The following FAM193A variants were observed in gnomAD, a reference collection of about 807,000 sequenced individuals.
FAM193A encodes protein FAM193A.
A neutral mutation model predicts 126.5 loss-of-function variants in FAM193A; 22 were observed. The ratio of observed to expected loss-of-function variants is 0.17; its 90% CI spans 0.12 to 0.25. The LOEUF (loss-of-function observed/expected upper bound fraction) is 0.25. FAM193A is among the 10% of genes least tolerant of loss of function. FAM193A has a pLI of 1.00. For missense variants in FAM193A, 1,675 were observed against 1,672.8 expected (o/e 1.00, Z -0.02); for synonymous variants, 761 against 646.8 (o/e 1.18, Z -2.68).
intron 1 of FAM193A, among the ~76,000 whole-genome samples, chr4:2,564,050 C>T (rs927724867): frequency 8.6e-5 from 13 of 151,984 alleles, no homozygotes; most frequent in South Asian, 2.1e-4. Context: ...GCATTTAATA[C>T]GGAGAATTAG....
chr4:2,590,492 A>ACAAAC lies in FAM193A; in HGVS notation c.256-5592_256-5591insCAAAC, dbSNP rs1386756183. 4.2e-5 allele frequency among the ~76,000 whole-genome samples: 4 copies of ACAAAC among 94,462 alleles called. 1 individual carries two copies. The highest frequency in any genetic ancestry group is 3.4e-4 in the East Asian group (1 of 2,922). The allele number at this position is 94,462 out of a possible 152,430, so 62.0% of individuals were successfully genotyped here. Reference sequence around the variant, plus strand: ...AAAAAAAAACAAAAAAAAACAAAAAAAAACAAAAAAAAACAAAAAAAAAAC... The same window carrying ACAAAC: ...AAAAAAAAACAAAAAAAAACAAAAAACAAACAAACAAAAAAAAACAAAAAAAAAAC... On this transcript the variant is annotated intron_variant, in intron 1 of 20. Coordinates refer to ENST00000637812, the MANE Select transcript of FAM193A (RefSeq NM_001366318.2).
chr4:2,657,662 A>G, intron 7 of FAM193A, 141 bp from the exon 8 acceptor site: 1 of 593,260 alleles, frequency 1.7e-6, no homozygotes, highest in Non-Finnish European at 3.0e-6. Context: ...TATTTGTAGT[A>G]TTGTATCTTT....
At chr4:2,630,147 AT>A (rs1340611444) in intron 4 of FAM193A, among the ~76,000 whole-genome samples, 1 of 150,898 alleles carries the variant, frequency 6.6e-6, no homozygotes, top group Non-Finnish European at 1.5e-5. Flanking sequence ...AAAAAAAAAA[AT>A]GTGGATTATC....
chr4:2,603,021 TG>T (rs1741299154), intron 2 of FAM193A, among the ~76,000 whole-genome samples: 1 of 119,470 alleles, frequency 8.4e-6, no homozygotes, highest in Admixed American at 1.1e-4. Flanking sequence ...CAGGCTGGAG[TG>T]CAGTGGCGCC....
At chr4:2,584,968 C>T (rs1740154302) in intron 1 of FAM193A, among the ~76,000 whole-genome samples, 1 of 152,024 alleles carries the variant, frequency 6.6e-6, no homozygotes, top group African/African-American at 2.4e-5. Context: ...CATCCCAACA[C>T]TATAGTTTTG....
chr4:2,596,476 T>C (rs1032737757), intron 2 of FAM193A, 147 bp downstream of exon 2: 1 of 606,158 alleles, frequency 1.6e-6, no homozygotes. Context: ...TCCTGGTACG[T>C]TCCTCCTGGT....
chr4:2,620,805 C>A lies in FAM193A; in HGVS notation c.502-4457C>A, dbSNP rs1281597818. On this transcript the variant is annotated intron_variant, in intron 2 of 20. Transcript: ENST00000637812. Reference sequence around the variant, plus strand: ...GAGCCGATATCACAGCATTGCACTCCAGCCTGGGCAAGAAGACTGCAACTC... The same window carrying A: ...GAGCCGATATCACAGCATTGCACTCAAGCCTGGGCAAGAAGACTGCAACTC... Among the ~76,000 whole-genome samples the A allele has an allele frequency of 2.1e-5, 3 of 140,666 alleles. No individual in the cohort carries two copies. In the East Asian group the frequency reaches 6.0e-4, roughly 28 times the overall value. 92.3% of individuals were successfully genotyped at this position (140,666 alleles called of 152,430 possible). A position where few individuals can be genotyped will look rare whatever the true frequency, so the allele number is the denominator to read the frequency against.
chr4:2,693,391 A>G (rs1716632088), intron 15 of FAM193A, among the ~76,000 whole-genome samples, 195 bp from the exon 16 acceptor site: 1 of 152,228 alleles, frequency 6.6e-6, no homozygotes, highest in Non-Finnish European at 1.5e-5. Context: ...AGGTGAGTGT[A>G]ACTTGCAGAC....
At chr4:2,714,231 C>T (rs1046172552) in intron 19 of FAM193A, among the ~76,000 whole-genome samples, 3 of 152,118 alleles carry the variant, frequency 2.0e-5, no homozygotes, top group Admixed American at 6.6e-5. Flanking sequence ...CATCAGCAGA[C>T]GGTGTTCTGT....
intron 4 of FAM193A, 103 bp downstream of exon 4, chr4:2,626,680 C>A: frequency 1.6e-6 from 1 of 613,400 alleles, no homozygotes; most frequent in Non-Finnish European, 3.0e-6. Context: ...CAGTGCTCAG[C>A]TGGGTTTGCT....
intron 1 of FAM193A, among the ~76,000 whole-genome samples, chr4:2,539,968 A>C (rs1450059134): frequency 5.3e-5 from 8 of 151,956 alleles, no homozygotes. Context: ...AAATACAAAA[A>C]TTAGCCAGGT....
chr4:2,618,482 C>T lies in FAM193A; in HGVS notation c.502-6780C>T, dbSNP rs949651585. Among the ~76,000 whole-genome samples the T allele has an allele frequency of 2.2e-4, 33 of 151,692 alleles. No homozygotes were observed. The Middle Eastern group carries it at 0.01, about 47-fold the overall frequency. On this transcript the variant is annotated intron_variant, in intron 2 of 20. Transcript: ENST00000637812. ...TTGCCCTGTCGCCCAGGCTGGAGTG[C>T]GATGGTGCGATCTCGGCTCACTACA... is the stretch of plus-strand genomic sequence containing the variant.
chr4:2,731,737 GT>G, intron 20 of FAM193A, 37 bp from the exon 21 acceptor site: 1 of 1,541,618 alleles, frequency 6.5e-7, no homozygotes, highest in Non-Finnish European at 9.0e-7. Context: ...GTTGTGGGCT[GT>G]TTCCTTCAGT....
At chr4:2,577,422 G>GTTTTTTTTTTTTTTTTGT (rs986931980) in intron 1 of FAM193A, among the ~76,000 whole-genome samples, 1 of 115,542 alleles carries the variant, frequency 8.7e-6, no homozygotes, top group Non-Finnish European at 1.7e-5. Flanking sequence ...TTTTTTTTTT[G>GTTTTTTTTTTTTTTTTGT]TTTTTTTTTT....
intron 1 of FAM193A, among the ~76,000 whole-genome samples, chr4:2,544,066 AG>A (rs1031243237): frequency 6.6e-6 from 1 of 152,078 alleles, no homozygotes; most frequent in African/African-American, 2.4e-5. Flanking sequence ...CATTAACTCT[AG>A]TTCATATTTG....
At chr4:2,705,077 A>G (rs1014817800) in intron 19 of FAM193A, among the ~76,000 whole-genome samples, 1 of 152,088 alleles carries the variant, frequency 6.6e-6, no homozygotes, top group Non-Finnish European at 1.5e-5. Flanking sequence ...ACGCCCGGCT[A>G]ATTTTTATAT....
intron 13 of FAM193A, among the ~76,000 whole-genome samples, chr4:2,681,970 GGGTTTTTTTTTTTTT>G (rs1185825421): frequency 1.5e-4 from 21 of 142,044 alleles, no homozygotes; most frequent in African/African-American, 2.1e-4. Context: ...TAACTTCTCA[GGGTTTTTTTTTTTTT>G]GGTTTTTTTT....
intron 13 of FAM193A, among the ~76,000 whole-genome samples, chr4:2,680,549 C>T (rs1186840306): frequency 3.9e-5 from 6 of 152,034 alleles, no homozygotes; most frequent in South Asian, 4.1e-4. Context: ...GTTACCCAGT[C>T]TGGACTGAAA....
Position 2,700,195 on chromosome 4 carries a change from G to C in FAM193A, c.4023G>C (p.Arg1341Ser), listed in dbSNP as rs367549637. The C allele has an allele frequency of 1.2e-6, 2 of 1,613,804 alleles. No individual in the cohort carries two copies. The highest frequency in any genetic ancestry group is 2.7e-5 in the African/African-American group (2 of 74,966). ...HKEGNGKQKL[R>S]QTSKASSEPA... ...AAGGAAATGGCAAGCAGAAGCTGAG[G>C]CAGACCAGCAAGGCCAGCAGCGAGC... is the stretch of plus-strand genomic sequence containing the variant. Residue 1341 changes from arginine (R) to serine (S), a missense_variant, in exon 19 of 21, where the codon AGG becomes AGC. By Grantham distance (110) the Arg-to-Ser change is moderately radical (BLOSUM62 -1). Coordinates refer to ENST00000637812, the MANE Select transcript of FAM193A (RefSeq NM_001366318.2).
Sources: gnomAD v4.1 joint callset for allele counts (sites outside exome capture counted in the v4.1 genomes callset) on GRCh38, gnomAD v4.1.1 for gene constraint, MANE v1.5 for transcripts, NCBI Gene and HGNC (gene_info 2026-07-23, HGNC 2026-07-21) for gene names.